Variants in FPGT observed in about 807,000 individuals in gnomAD.
FPGT encodes the protein fucose-1-phosphate guanylyltransferase.
In FPGT, 41 loss-of-function variants were observed where a neutral mutation model predicts 45.8. That is an observed-to-expected ratio of 0.90 (90% CI 0.70 to 1.16). The LOEUF is 1.16. Ranked by LOEUF, FPGT falls within the 50% of genes most tolerant of loss-of-function variation. The pLI, the probability that FPGT is intolerant of heterozygous loss-of-function variation, is 0.00. For synonymous variants in FPGT, 292 were observed against 247.2 expected, an observed-to-expected ratio of 1.18 and a Z score of -1.70; for missense variants, 755 against 689.1, an observed-to-expected ratio of 1.10 and a Z score of -1.07.
At chr1:74,199,627 T>A (rs1330701813) in intron 1 of FPGT, 37 bp from the exon 2 acceptor site, 1 of 1,595,260 alleles carries the variant, frequency 6.3e-7, no homozygotes, top group East Asian at 2.2e-5. Context: ...AAAATTCTGA[T>A]AATTTTTGTT....
chr1:74,207,011 T>C lies in FPGT; in HGVS notation c.*1179T>C, dbSNP rs544992162. ...TGATACTTATGTGCGTGTTTTTTTTTCCAAAGTTTTTCCCAAGGAGAAGAT... is the reference window on the plus strand; with the variant it reads ...TGATACTTATGTGCGTGTTTTTTTTCCCAAAGTTTTTCCCAAGGAGAAGAT... On this transcript the variant is annotated 3_prime_UTR_variant, in exon 4 of 4. Coordinates refer to ENST00000370898, the MANE Select transcript of FPGT (RefSeq NM_003838.5). The C allele has an allele frequency of 1.1e-4, 17 of 152,178 alleles. No homozygotes were observed. The highest frequency in any genetic ancestry group is 2.6e-4 in the African/African-American group (11 of 41,550). The allele number at this position is 152,178 out of a possible 1,614,324, so 9.4% of individuals were successfully genotyped here.
rs1179620583 is a variant in FPGT at position 74,208,582 on chromosome 1, C to T, written c.*2750C>T. On this transcript the variant is annotated 3_prime_UTR_variant, in exon 4 of 4. Coordinates refer to ENST00000370898, the MANE Select transcript of FPGT (RefSeq NM_003838.5). Reference sequence around the variant, plus strand: ...ATGATTTAATAACTATCAACAAGGGCATGGGAAAAATTCAACATTTGATAA... The same window carrying T: ...ATGATTTAATAACTATCAACAAGGGTATGGGAAAAATTCAACATTTGATAA... 6.6e-6 allele frequency among the ~76,000 whole-genome samples: 1 copy of T among 151,946 alleles called. No individual in the cohort carries two copies. The highest frequency in any genetic ancestry group is 1.5e-5 in the Non-Finnish European group (1 of 67,964).
chr1:74,203,202 G>C (rs959859665), intron 3 of FPGT, among the ~76,000 whole-genome samples: 4 of 152,120 alleles, frequency 2.6e-5, no homozygotes, highest in Admixed American at 1.3e-4. Context: ...CACCACTTGA[G>C]TGGTGCATCG....
At position 74,204,681 on chromosome 1, in the gene FPGT, G is replaced by C. The variant is rs1192702657; in HGVS notation, c.634G>C (p.Asp212His). 3.1e-6 allele frequency: 5 copies of C among 1,612,738 alleles called. No homozygotes were observed. The East Asian group carries it at 1.1e-4, about 36-fold the overall frequency. ...TGGAGTATTTGTCTTAGATCCTTTT[G>C]ATGATTTAAAACATAGAGACCTTGA... ...THGVFVLDPF[D>H]DLKHRDLEYR... Residue 212 changes from aspartate (D) to histidine (H), a missense_variant, in exon 4 of 4, where the codon GAT becomes CAT. Asp to His is a moderately conservative substitution (Grantham distance 81). Transcript: ENST00000370898.
At position 74,204,761 on chromosome 1, in the gene FPGT, GT is replaced by G; in HGVS notation, c.717del (p.Phe239LeufsTer25). On this transcript the variant is annotated frameshift_variant, in exon 4 of 4. Transcript: ENST00000370898. LOFTEE classifies it high-confidence loss of function. ...AGCCCAGCATAGAAAAGATGTATCA[GT>G]TTAATGCTGTGTGTAGACCTGGAAA... ...HKPSIEKMYQ[F>X]NAVCRPGNFC... 2 of 1,613,944 alleles carry G rather than the reference GT, an allele frequency of 1.2e-6. No individual in the cohort carries two copies. Among genetic ancestry groups the G allele is most frequent in the Non-Finnish European group, 1.7e-6 (2 of 1,179,928 alleles).
At position 74,208,498 on chromosome 1, in the gene FPGT, A is replaced by C. The variant is rs1230582493; in HGVS notation, c.*2666A>C. 6.6e-6 allele frequency among the ~76,000 whole-genome samples: 1 copy of C among 152,092 alleles called. No homozygotes were observed. Among genetic ancestry groups the C allele is most frequent in the South Asian group, 2.1e-4 (1 of 4,828 alleles). ...ATTTTTATGAAATCATGGCACTTAC[A>C]TCATATACTCAGGTGTGTAAAAGCC... On this transcript the variant is annotated 3_prime_UTR_variant, in exon 4 of 4. Coordinates refer to ENST00000370898, the MANE Select transcript of FPGT (RefSeq NM_003838.5).
chr1:74,202,923 A>T (rs142911130), intron 3 of FPGT, among the ~76,000 whole-genome samples: 1 of 152,204 alleles, frequency 6.6e-6, no homozygotes, highest in Non-Finnish European at 1.5e-5. Flanking sequence ...CTATAGTCCT[A>T]CTAAAGTTCA....
chr1:74,198,501 A>C, intron 1 of FPGT, 141 bp downstream of exon 1: 1 of 1,188,652 alleles, frequency 8.4e-7, no homozygotes, highest in Non-Finnish European at 1.2e-6. Context: ...GCTAGCTAAT[A>C]ATCCTTTTGA....
In FPGT at chr1:74,208,556, G is replaced by A. The variant is rs1368402682; in HGVS notation, c.*2724G>A. ...TGTAACTATAATCCATAAACTTATT[G>A]ATGATTTAATAACTATCAACAAGGG... On this transcript the variant is annotated 3_prime_UTR_variant, in exon 4 of 4. Coordinates refer to ENST00000370898, the MANE Select transcript of FPGT (RefSeq NM_003838.5). Among the ~76,000 whole-genome samples the A allele has an allele frequency of 6.6e-6, 1 of 151,934 alleles. No homozygotes were observed. Among genetic ancestry groups the A allele is most frequent in the Non-Finnish European group, 1.5e-5 (1 of 67,948 alleles).
chr1:74,203,627 G>C (rs939148086), intron 3 of FPGT, among the ~76,000 whole-genome samples: 1 of 151,956 alleles, frequency 6.6e-6, no homozygotes. Flanking sequence ...TCCTGACCTC[G>C]TGATCTGCCT....
chr1:74,199,689 C>T lies in FPGT; in HGVS notation c.108C>T (p.Phe36=), dbSNP rs200086357. 1.2e-6 allele frequency: 2 copies of T among 1,613,444 alleles called. No individual in the cohort carries two copies. The highest frequency in any genetic ancestry group is 2.2e-5 in the East Asian group (1 of 44,858). Residue 36 remains phenylalanine, a synonymous_variant, in exon 2 of 4, where the codon TTC becomes TTT. Coordinates refer to ENST00000370898, the MANE Select transcript of FPGT (RefSeq NM_003838.5). ...GCAAACTTGTAGCACGTGGAGAATT[C>T]TGGGACATAGTTGCAATAACAGCGG... The part of the protein sequence containing the change: ...LRGKLVARGE[F]WDIVAITAAD...
chr1:74,200,183 A>G (rs1167593661), intron 2 of FPGT, among the ~76,000 whole-genome samples: 5 of 152,224 alleles, frequency 3.3e-5, no homozygotes, highest in Non-Finnish European at 7.3e-5. Context: ...GAAGAAAGCA[A>G]TTAGTGGGAA....
chr1:74,203,477 C>T (rs945198091), intron 3 of FPGT, among the ~76,000 whole-genome samples: 6 of 151,424 alleles, frequency 4.0e-5, no homozygotes, highest in African/African-American at 1.5e-4. Flanking sequence ...CTGCAAGCTT[C>T]GCCTCCCGGG....
Position 74,204,924 on chromosome 1 carries a change from AC to A in FPGT, c.878del (p.Thr293AsnfsTer2). 1 of 1,614,046 alleles carries A rather than the reference AC, an allele frequency of 6.2e-7. No individual in the cohort carries two copies. The part of the protein sequence containing the change: ...MLLAFYEKIG[T>X]LSCEIDAYGD... ...ACTTGCTTTTTATGAAAAAATAGGC[AC>A]ACTGAGCTGTGAAATAGATGCCTAT... is the stretch of plus-strand genomic sequence containing the variant. On this transcript the variant is annotated frameshift_variant, in exon 4 of 4. Coordinates refer to ENST00000370898, the MANE Select transcript of FPGT (RefSeq NM_003838.5). LOFTEE classifies it high-confidence loss of function.
At chr1:74,199,546 C>A in intron 1 of FPGT, 118 bp from the exon 2 acceptor site, 1 of 1,112,286 alleles carries the variant, frequency 9.0e-7, no homozygotes, top group Non-Finnish European at 1.3e-6. Flanking sequence ...GCCAAAGATA[C>A]ATTTTGGAAG....
In FPGT at chr1:74,201,375, A is replaced by T. The variant is rs755950605; in HGVS notation, c.308A>T (p.Lys103Ile). ...TGTTTGGAAAAGCTATATGGAGATA[A>T]ATGGAATTCTTTTACCATCTTATTA... ...LQCLEKLYGD[K>I]WNSFTILLIH... The change falls in exon 3 of 4, where the codon AAA (lysine) becomes ATA (isoleucine). Residue 103 changes from lysine (K) to isoleucine (I), a missense_variant. Physicochemically the swap from Lys to Ile is moderately radical, Grantham distance 102. Coordinates refer to ENST00000370898, the MANE Select transcript of FPGT (RefSeq NM_003838.5). 7.4e-6 allele frequency: 12 copies of T among 1,611,090 alleles called. No individual in the cohort carries two copies. The highest frequency in any genetic ancestry group is 1.1e-5 in the South Asian group (1 of 90,688).
intron 1 of FPGT, 78 bp from the exon 2 acceptor site, chr1:74,199,586 C>G: frequency 1.3e-6 from 2 of 1,488,160 alleles, no homozygotes; most frequent in Non-Finnish European, 1.8e-6. Context: ...TCTTTATCAT[C>G]TTTCTCAATA....
chr1:74,201,642 T>G (rs912200334), intron 3 of FPGT, among the ~76,000 whole-genome samples: 11 of 152,146 alleles, frequency 7.2e-5, no homozygotes, highest in Admixed American at 2.6e-4. Flanking sequence ...ATATCGTCAG[T>G]CTTTTATGAA....
At position 74,206,166 on chromosome 1, in the gene FPGT, T is replaced by G. The variant is rs1652266010; in HGVS notation, c.*334T>G. 5.5e-6 allele frequency: 1 copy of G among 181,226 alleles called. No individual in the cohort carries two copies. The highest frequency in any genetic ancestry group is 2.4e-5 in the African/African-American group (1 of 42,220). 11.2% of individuals were successfully genotyped at this position (181,226 alleles called of 1,614,324 possible). On this transcript the variant is annotated 3_prime_UTR_variant, in exon 4 of 4. Coordinates refer to ENST00000370898, the MANE Select transcript of FPGT (RefSeq NM_003838.5). ...TTTCCATCTTTTTTGAGGCTTTTGG[T>G]CCAGTGAAGTTCTAAGTATTCACTG...
Sources: allele counts gnomAD v4.1 joint callset (sites outside exome capture counted in the v4.1 genomes callset), GRCh38; gene constraint gnomAD v4.1.1; transcripts MANE v1.5; gene names NCBI Gene and HGNC (gene_info 2026-07-23, HGNC 2026-07-21).